The following TTC28 variants were observed in gnomAD, a reference collection of about 807,000 sequenced individuals.
TTC28 encodes the protein tetratricopeptide repeat protein 28.
TTC28 carries 61 observed loss-of-function variants against 198.0 expected under a neutral mutation model. The ratio of observed to expected loss-of-function variants is 0.31; its 90% confidence interval spans 0.25 to 0.38. The LOEUF is 0.38. Ranked by LOEUF, TTC28 falls within the 10% of genes least tolerant of loss-of-function variation. The pLI, the probability that TTC28 is intolerant of heterozygous loss-of-function variation, is 1.00. For synonymous variants in TTC28, 1,171 were observed against 1,297.8 expected (o/e 0.90, Z 2.10); for missense variants, 2,678 against 3,164.0 (o/e 0.85, Z 3.69).
At chr22:28,110,264 C>T (rs1393507778) in intron 6 of TTC28, among the ~76,000 whole-genome samples, 1 of 152,102 alleles carries the variant, frequency 6.6e-6, no homozygotes, top group Non-Finnish European at 1.5e-5. Context: ...CTCCTGGGAC[C>T]CAGCCATCTC....
chr22:28,260,102 T>C (rs1200653133), intron 5 of TTC28, among the ~76,000 whole-genome samples: 2 of 152,168 alleles, frequency 1.3e-5, no homozygotes. Context: ...AAAGATGTAA[T>C]AATTTATTAG....
At chr22:28,273,619 C>T (rs1272542308) in intron 5 of TTC28, among the ~76,000 whole-genome samples, 1 of 151,518 alleles carries the variant, frequency 6.6e-6, no homozygotes, top group African/African-American at 2.4e-5. Context: ...GAACATGGTA[C>T]AAAGGTATAA....
chr22:28,571,839 T>C (rs949359496), intron 2 of TTC28, among the ~76,000 whole-genome samples: 1 of 151,662 alleles, frequency 6.6e-6, no homozygotes, highest in African/African-American at 2.4e-5. Context: ...TCCCAGCTAC[T>C]TGGGAGGCTG....
chr22:28,461,321 C>G (rs1282769474), intron 2 of TTC28, among the ~76,000 whole-genome samples: 1 of 152,186 alleles, frequency 6.6e-6, no homozygotes, highest in Admixed American at 6.5e-5. Flanking sequence ...TGCCATTATA[C>G]CTCTCAGTCT....
At chr22:28,475,734 T>C (rs144179242) in intron 2 of TTC28, among the ~76,000 whole-genome samples, 396 of 152,304 alleles carry the variant, frequency 2.6e-3, no homozygotes, top group Non-Finnish European at 4.2e-3. Flanking sequence ...GTACTTTAAG[T>C]AAATTATTTC....
intron 2 of TTC28, among the ~76,000 whole-genome samples, chr22:28,559,035 CA>C (rs566036315): frequency 1.2e-3 from 155 of 134,250 alleles, no homozygotes; most frequent in Admixed American, 1.2e-3. Flanking sequence ...GACTCCATCT[CA>C]AAAAAAAAAA....
At chr22:28,495,395 A>G (rs1003732318) in intron 2 of TTC28, among the ~76,000 whole-genome samples, 12 of 152,166 alleles carry the variant, frequency 7.9e-5, no homozygotes, top group African/African-American at 2.7e-4. Context: ...CAAAAAGAAA[A>G]CAGGACAATG....
At chr22:28,436,624 T>C (rs2047524298) in intron 2 of TTC28, among the ~76,000 whole-genome samples, 1 of 152,232 alleles carries the variant, frequency 6.6e-6, no homozygotes, top group African/African-American at 2.4e-5. Flanking sequence ...AGTATTATCA[T>C]ACTACGAGGA....
chr22:28,447,663 G>A (rs892707437), intron 2 of TTC28, among the ~76,000 whole-genome samples: 5 of 152,140 alleles, frequency 3.3e-5, no homozygotes, highest in Admixed American at 3.3e-4. Context: ...GATGTTGCTG[G>A]ACTTAATAAA....
At chr22:28,276,233 A>T (rs1196420151) in intron 5 of TTC28, among the ~76,000 whole-genome samples, 1 of 151,800 alleles carries the variant, frequency 6.6e-6, no homozygotes, top group East Asian at 1.9e-4. Flanking sequence ...GGCTGCTCTC[A>T]AACTCCTGAG....
chr22:28,359,248 T>C (rs910863599), intron 2 of TTC28, among the ~76,000 whole-genome samples: 3 of 152,234 alleles, frequency 2.0e-5, no homozygotes, highest in Non-Finnish European at 4.4e-5. Context: ...CCTCTTCCAT[T>C]ACCCCTAGTG....
intron 2 of TTC28, among the ~76,000 whole-genome samples, chr22:28,390,325 T>C (rs1281176895): frequency 1.3e-5 from 2 of 152,134 alleles, no homozygotes; most frequent in Non-Finnish European, 2.9e-5. Flanking sequence ...TTCTGTTGAT[T>C]TGGGGTGGAG....
At chr22:28,139,746 C>A (rs1318122845) in intron 6 of TTC28, among the ~76,000 whole-genome samples, 3 of 150,214 alleles carry the variant, frequency 2.0e-5, no homozygotes, top group Non-Finnish European at 4.4e-5. Context: ...CTGGAGTATA[C>A]AATCCCCACA....
At chr22:28,324,892 C>A (rs1446777823) in intron 2 of TTC28, among the ~76,000 whole-genome samples, 1 of 152,088 alleles carries the variant, frequency 6.6e-6, no homozygotes, top group East Asian at 1.9e-4. Flanking sequence ...CTGGCCAGGG[C>A]AATTAGGCAG....
chr22:28,318,044 C>G (rs573994269), intron 2 of TTC28, among the ~76,000 whole-genome samples: 1 of 151,508 alleles, frequency 6.6e-6, no homozygotes, highest in East Asian at 2.0e-4. Context: ...GCTGGGGGTA[C>G]AGGTGTGTGC....
chr22:28,388,677 T>C (rs1269610899), intron 2 of TTC28, among the ~76,000 whole-genome samples: 7 of 152,358 alleles, frequency 4.6e-5, no homozygotes, highest in Admixed American at 1.3e-4. Context: ...CTTGTGACTT[T>C]TGTACATTGA....
At chr22:28,316,753 T>C (rs2045358523) in intron 2 of TTC28, among the ~76,000 whole-genome samples, 1 of 152,192 alleles carries the variant, frequency 6.6e-6, no homozygotes, top group Admixed American at 6.5e-5. Context: ...GTATGAAATA[T>C]GATTGAATTT....
At chr22:28,153,418 A>G (rs887872110) in intron 6 of TTC28, among the ~76,000 whole-genome samples, 52 of 144,384 alleles carry the variant, frequency 3.6e-4, no homozygotes, top group Non-Finnish European at 5.2e-4. Context: ...AAAAAAAAAA[A>G]CCTTCGTTTT....
rs191389528 is a variant in TTC28, at chr22:28,479,668, A to T, written c.381+149884T>A. On this transcript the variant is annotated intron_variant, in intron 2 of 22. Coordinates refer to ENST00000397906, the MANE Select transcript of TTC28 (RefSeq NM_001145418.2). ...GCAGTAGATAACAGGTGACAATCAG[A>T]ATCTCAAAGCTTACATGAGCATAAG... is the stretch of plus-strand genomic sequence containing the variant. Among the ~76,000 whole-genome samples, 463 of 152,306 alleles carry T rather than the reference A, an allele frequency of 3.0e-3. 4 individuals are homozygous for T. The highest frequency in any genetic ancestry group is 0.011 in the African/African-American group (443 of 41,546).
Sources: gnomAD v4.1 joint callset for allele counts (sites outside exome capture counted in the v4.1 genomes callset) on GRCh38, gnomAD v4.1.1 for gene constraint, MANE v1.5 for transcripts, NCBI Gene and HGNC (gene_info 2026-07-23, HGNC 2026-07-21) for gene names.